MPV17L2: variants seen among roughly 807,000 people sequenced by gnomAD.
The protein encoded by MPV17L2 is MPV17 mitochondrial inner membrane protein like 2, also known as mpv17-like protein 2.
Under a neutral mutation model 24.2 loss-of-function variants are expected in MPV17L2, and 25 were observed. The observed-to-expected ratio is 1.03, with a 90% confidence interval of 0.75 to 1.44. MPV17L2 has a LOEUF of 1.44. Ranked by LOEUF, MPV17L2 falls within the 40% of genes most tolerant of loss-of-function variation. The pLI is 0.00. For missense variants in MPV17L2, 271 were observed against 276.2 expected (o/e 0.98, Z 0.13); for synonymous variants, 130 against 121.4 (o/e 1.07, Z -0.46).
rs1264656425 is a variant in MPV17L2 at position 18,196,285 on chromosome 19, C to T, written c.*230C>T. 1 of 1,494,508 alleles carries T rather than the reference C, an allele frequency of 6.7e-7. No homozygotes were observed. The highest frequency in any genetic ancestry group is 1.2e-5 in the South Asian group (1 of 82,820). 92.6% of individuals were successfully genotyped at this position (1,494,508 alleles called of 1,614,324 possible). A position where few individuals can be genotyped will look rare whatever the true frequency, so the allele number is the denominator to read the frequency against. On this transcript the variant is annotated 3_prime_UTR_variant, in exon 5 of 5. Coordinates refer to ENST00000599612, the MANE Select transcript of MPV17L2 (RefSeq NM_032683.3). ...ATGATCATCCCCTAGCCCTTCTCAG[C>T]AGGAACCTCATGCGACCTGTGACCA...
chr19:18,195,555 C>T (rs1157918464), intron 4 of MPV17L2, among the ~76,000 whole-genome samples: 40 of 139,810 alleles, frequency 2.9e-4, no homozygotes, highest in Non-Finnish European at 5.9e-4. Context: ...AGACCCATGC[C>T]GGGCGCGGTG....
intron 4 of MPV17L2, 74 bp downstream of exon 4, chr19:18,195,160 G>A (rs1967490882): frequency 5.8e-6 from 9 of 1,555,320 alleles, no homozygotes; most frequent in African/African-American, 5.4e-5. Context: ...AAGTGGCAGT[G>A]TAGCCAGCCA....
Position 18,193,292 on chromosome 19 carries a change from G to T in MPV17L2, c.11G>T (p.Gly4Val). MAR[G>V]GWRRLRRLLS... ...TGGTTCCTGAGGGCGATGGCGCGGGGTGGCTGGCGCCGGCTACGCCGCCTG... is the reference window on the plus strand; with the variant it reads ...TGGTTCCTGAGGGCGATGGCGCGGGTTGGCTGGCGCCGGCTACGCCGCCTG... The change falls in exon 1 of 5, where the codon GGT becomes GTT. Residue 4 changes from glycine (G) to valine (V), a missense_variant. Physicochemically the swap from Gly to Val is moderately radical, Grantham distance 109. Coordinates refer to ENST00000599612, the MANE Select transcript of MPV17L2 (RefSeq NM_032683.3). 1.3e-6 allele frequency: 2 copies of T among 1,542,856 alleles called. No homozygotes were observed.
intron 4 of MPV17L2, among the ~76,000 whole-genome samples, chr19:18,195,515 G>C (rs62120382): frequency 0.31 from 45,993 of 150,062 alleles, 7,307 homozygotes; most frequent in Non-Finnish European, 0.34. Context: ...CAGCCTAGGT[G>C]ACAGAGCGAG....
At chr19:18,195,856 A>G (rs956246297) in intron 4 of MPV17L2, 143 bp from the exon 5 acceptor site, 24 of 749,420 alleles carry the variant, frequency 3.2e-5, no homozygotes, top group African/African-American at 1.4e-4. Flanking sequence ...AAAAGACCCA[A>G]CCCTTCTCTG....
intron 2 of MPV17L2, 49 bp downstream of exon 2, chr19:18,194,083 G>T (rs1340683772): frequency 6.3e-7 from 1 of 1,587,438 alleles, no homozygotes; most frequent in Non-Finnish European, 8.6e-7. Flanking sequence ...GTCGGGAGGG[G>T]TGGAGCCAGC....
intron 3 of MPV17L2, 43 bp from the exon 4 acceptor site, chr19:18,194,915 C>T: frequency 1.3e-6 from 2 of 1,594,966 alleles, no homozygotes; most frequent in African/African-American, 2.7e-5. Context: ...TCCGCCCCCG[C>T]CCAGCTCTGG....
chr19:18,193,645 C>T, intron 1 of MPV17L2, 177 bp downstream of exon 1: 4 of 1,415,940 alleles, frequency 2.8e-6, no homozygotes, highest in Non-Finnish European at 3.7e-6. Flanking sequence ...CCTCCCAACC[C>T]CCGGAGGTCT....
At chr19:18,195,205 A>G in intron 4 of MPV17L2, 119 bp downstream of exon 4, 1 of 1,458,678 alleles carries the variant, frequency 6.9e-7, no homozygotes, top group Non-Finnish European at 9.1e-7. Flanking sequence ...GCTCCTGACA[A>G]CCCACACCCA....
intron 1 of MPV17L2, 99 bp downstream of exon 1, chr19:18,193,567 G>A (rs1967461368): frequency 1.4e-6 from 2 of 1,411,636 alleles, no homozygotes; most frequent in Non-Finnish European, 1.8e-6. Context: ...TCAGTCCCCC[G>A]CAGGACCCTT....
Position 18,195,039 on chromosome 19 carries a change from G to C in MPV17L2, c.517G>C (p.Gly173Arg), listed in dbSNP as rs772772653. ...PPQFRVTYIN[G>R]LTLGWDTYLS... Reference sequence around the variant, plus strand: ...CCAATTTCGAGTCACCTACATCAACGGCCTGACGCTGGGCTGGGACACGTA... The same window carrying C: ...CCAATTTCGAGTCACCTACATCAACCGCCTGACGCTGGGCTGGGACACGTA... The change falls in exon 4 of 5, where the codon GGC becomes CGC. Residue 173 changes from glycine (G) to arginine (R), a missense_variant. Coordinates refer to ENST00000599612, the MANE Select transcript of MPV17L2 (RefSeq NM_032683.3). 11 of 1,614,034 alleles carry C rather than the reference G, an allele frequency of 6.8e-6. No homozygotes were observed. In the Middle Eastern group the frequency reaches 4.9e-4, roughly 73 times the overall value.
At position 18,196,239 on chromosome 19, in the gene MPV17L2, G is replaced by A. The variant is rs747488294; in HGVS notation, c.*184G>A. On this transcript the variant is annotated 3_prime_UTR_variant, in exon 5 of 5. Transcript: ENST00000599612. Reference sequence around the variant, plus strand: ...CTTCTGGGACTGAGTTTCCTCAACCGGAACACACCCATGAAGATGGATGAT... The same window carrying A: ...CTTCTGGGACTGAGTTTCCTCAACCAGAACACACCCATGAAGATGGATGAT... The A allele has an allele frequency of 9.2e-6, 14 of 1,526,570 alleles. No individual in the cohort carries two copies. Among genetic ancestry groups the A allele is most frequent in the South Asian group, 4.8e-5 (4 of 83,354 alleles). 94.6% of individuals were successfully genotyped at this position (1,526,570 alleles called of 1,614,324 possible). A position where few individuals can be genotyped will look rare whatever the true frequency, so the allele number is the denominator to read the frequency against.
intron 3 of MPV17L2, 34 bp downstream of exon 3, chr19:18,194,887 C>T: frequency 1.3e-6 from 2 of 1,593,604 alleles, no homozygotes; most frequent in Non-Finnish European, 1.7e-6. Context: ...ATGTCCGGCC[C>T]CGCCCCCTGA....
chr19:18,196,097 G>C lies in MPV17L2; in HGVS notation c.*42G>C, dbSNP rs578108722. 10 of 1,613,586 alleles carry C rather than the reference G, an allele frequency of 6.2e-6. No homozygotes were observed. The South Asian group carries it at 1.1e-4, about 18-fold the overall frequency. On this transcript the variant is annotated 3_prime_UTR_variant, in exon 5 of 5. Transcript: ENST00000599612. ...ACCAGATGCAAGACTGTCTCCTGGC[G>C]GACCACCCCCTCTGACAGAAGGGGA... is the stretch of plus-strand genomic sequence containing the variant.
rs1414211318 is a variant in MPV17L2, at chr19:18,194,945, C to T, written c.436-13C>T. 1.2e-6 allele frequency: 2 copies of T among 1,610,352 alleles called. No individual in the cohort carries two copies. The highest frequency in any genetic ancestry group is 1.3e-5 in the African/African-American group (1 of 74,858). On this transcript the variant is annotated splice_polypyrimidine_tract_variant and intron_variant, in intron 3 of 4. Coordinates refer to ENST00000599612, the MANE Select transcript of MPV17L2 (RefSeq NM_032683.3). ...CTCTGGCCCCGCCCCTCATCCCCCG[C>T]CTCTCCCCGCAGGCAGACTGGTGCG...
At chr19:18,195,205 ACC>A (rs1967491540) in intron 4 of MPV17L2, 119 bp downstream of exon 4, 1 of 1,458,678 alleles carries the variant, frequency 6.9e-7, no homozygotes, top group Admixed American at 2.3e-5. Context: ...GCTCCTGACA[ACC>A]CACACCCAAC....
intron 2 of MPV17L2, among the ~76,000 whole-genome samples, chr19:18,194,538 C>A (rs1967476732): frequency 6.6e-6 from 1 of 152,176 alleles, no homozygotes; most frequent in Non-Finnish European, 1.5e-5. Context: ...CATTGGGGCA[C>A]GTGTTTATAT....
In MPV17L2 at chr19:18,193,952, C is replaced by T; in HGVS notation, c.276C>T (p.Leu92=). ...ACCGCCTATTCCCTGCGTCTGGCCTCCGAGGCTTCCCAAATGTCCTCAAGA... is the reference window on the plus strand; with the variant it reads ...ACCGCCTATTCCCTGCGTCTGGCCTTCGAGGCTTCCCAAATGTCCTCAAGA... ...SLDRLFPASG[L]RGFPNVLKKV... The change falls in exon 2 of 5, where the codon CTC becomes CTT. Residue 92 remains leucine, a synonymous_variant. Coordinates refer to ENST00000599612, the MANE Select transcript of MPV17L2 (RefSeq NM_032683.3). The T allele has an allele frequency of 6.2e-7, 1 of 1,614,252 alleles. No homozygotes were observed. Among genetic ancestry groups the T allele is most frequent in the Non-Finnish European group, 8.5e-7 (1 of 1,180,042 alleles).
At chr19:18,193,572 AC>A (rs1967461433) in intron 1 of MPV17L2, 104 bp downstream of exon 1, 2 of 1,404,284 alleles carry the variant, frequency 1.4e-6, no homozygotes. Context: ...CCCCCGCAGG[AC>A]CCTTGCCCTG....
Sources: allele counts gnomAD v4.1 joint callset (sites outside exome capture counted in the v4.1 genomes callset), GRCh38; gene constraint gnomAD v4.1.1; transcripts MANE v1.5; gene names NCBI Gene and HGNC (gene_info 2026-07-23, HGNC 2026-07-21).